Variants in GRB10 observed in about 807,000 individuals in gnomAD.
GRB10 encodes growth factor receptor bound protein 10.
GRB10 carries 20 observed loss-of-function variants against 80.9 expected under a neutral mutation model. The observed-to-expected ratio is 0.25, with a 90% CI of 0.17 to 0.36. The LOEUF (loss-of-function observed/expected upper bound fraction) is 0.36, where lower values mean the gene tolerates loss of function less well. Ranked by LOEUF, GRB10 falls within the 10% of genes least tolerant of loss-of-function variation. GRB10 has a pLI of 1.00. For missense variants in GRB10, 548 were observed against 747.7 expected, an observed-to-expected ratio of 0.73 and a Z score of 3.12; for synonymous variants, 291 against 291.5, an observed-to-expected ratio of 1.00 and a Z score of 0.02.
intron 7 of GRB10, among the ~76,000 whole-genome samples, chr7:50,628,053 G>A (rs2053292557): frequency 1.3e-5 from 2 of 152,202 alleles, no homozygotes; most frequent in African/African-American, 4.8e-5. Context: ...CCGGACTTGG[G>A]GGTGAGGACG....
intron 1 of GRB10, chr7:50,792,494 A>C (rs2078969433): frequency 5.0e-6 from 2 of 398,486 alleles, no homozygotes; most frequent in African/African-American, 2.1e-5. Flanking sequence ...AGGCGTTTGG[A>C]GAGGCAATCA....
chr7:50,714,656 C>CT (rs1224946875), intron 4 of GRB10, among the ~76,000 whole-genome samples: 18 of 102,572 alleles, frequency 1.8e-4, no homozygotes, highest in Non-Finnish European at 3.5e-4. Context: ...TAGCGAGACT[C>CT]TGTCTCAAAA....
At chr7:50,709,463 T>C (rs995474496) in intron 4 of GRB10, among the ~76,000 whole-genome samples, 3 of 152,170 alleles carry the variant, frequency 2.0e-5, no homozygotes, top group Admixed American at 1.3e-4. Context: ...TTTTGGGGAT[T>C]GCACAAATGC....
intron 7 of GRB10, among the ~76,000 whole-genome samples, chr7:50,629,157 T>C (rs971375946): frequency 2.6e-5 from 4 of 152,320 alleles, no homozygotes; most frequent in Non-Finnish European, 5.9e-5. Context: ...GGATACATGA[T>C]CTTCTCTAGG....
At chr7:50,609,035 T>C (rs981742066) in intron 13 of GRB10, among the ~76,000 whole-genome samples, 1 of 150,538 alleles carries the variant, frequency 6.6e-6, no homozygotes, top group Non-Finnish European at 1.5e-5. Flanking sequence ...CATGTACGTA[T>C]TGGGTTAACA....
chr7:50,662,541 TCA>T (rs1273369153), intron 7 of GRB10, among the ~76,000 whole-genome samples: 1 of 152,130 alleles, frequency 6.6e-6, no homozygotes, highest in Non-Finnish European at 1.5e-5. Flanking sequence ...AGTGCTGACC[TCA>T]GAGGTCTGGG....
At chr7:50,790,808 A>C (rs971109204) in intron 1 of GRB10, among the ~76,000 whole-genome samples, 1 of 152,262 alleles carries the variant, frequency 6.6e-6, no homozygotes, top group Non-Finnish European at 1.5e-5. Context: ...CTCTAAAATG[A>C]AGCTGAAGGC....
At chr7:50,689,451 C>A (rs1659572607) in intron 5 of GRB10, among the ~76,000 whole-genome samples, 1 of 152,100 alleles carries the variant, frequency 6.6e-6, no homozygotes, top group Non-Finnish European at 1.5e-5. Flanking sequence ...CAGGCTGAAT[C>A]CAAAGTTGAA....
At chr7:50,746,553 G>A (rs1467443947) in intron 3 of GRB10, among the ~76,000 whole-genome samples, 1 of 152,096 alleles carries the variant, frequency 6.6e-6, no homozygotes, top group African/African-American at 2.4e-5. Context: ...TCCTGTGAGG[G>A]CCTTTCCTCA....
rs567754518 is a variant in GRB10 at position 50,777,625 on chromosome 7, T to C, written c.-217+3002A>G. ...AAAGATACATGCACACCTATGTTTATTGCAGCACTACTTACAAAAGCAAAG... is the reference window on the plus strand; with the variant it reads ...AAAGATACATGCACACCTATGTTTACTGCAGCACTACTTACAAAAGCAAAG... On this transcript the variant is annotated intron_variant, in intron 2 of 18. Transcript: ENST00000401949. 5.5e-4 allele frequency among the ~76,000 whole-genome samples: 84 copies of C among 152,262 alleles called. 1 individual carries two copies. Among genetic ancestry groups the C allele is most frequent in the South Asian group, 1.9e-3 (9 of 4,820 alleles).
intron 5 of GRB10, among the ~76,000 whole-genome samples, chr7:50,692,415 G>C (rs1215915012): frequency 6.6e-6 from 1 of 152,090 alleles, no homozygotes; most frequent in African/African-American, 2.4e-5. Flanking sequence ...ACAATATGCT[G>C]TCTTCCTGCT....
chr7:50,735,206 A>T (rs557957754), intron 3 of GRB10, among the ~76,000 whole-genome samples: 19 of 152,258 alleles, frequency 1.2e-4, no homozygotes, highest in Non-Finnish European at 2.5e-4. Flanking sequence ...TTCCATTTAC[A>T]ATAGCATCAA....
At chr7:50,764,228 C>A (rs2076089517) in intron 2 of GRB10, among the ~76,000 whole-genome samples, 1 of 152,230 alleles carries the variant, frequency 6.6e-6, no homozygotes, top group Non-Finnish European at 1.5e-5. Context: ...AGGGATCAGG[C>A]CGCCTGACCC....
intron 7 of GRB10, among the ~76,000 whole-genome samples, chr7:50,646,724 G>T (rs946073931): frequency 6.6e-6 from 1 of 152,178 alleles, no homozygotes; most frequent in Non-Finnish European, 1.5e-5. Flanking sequence ...AAGTTTTCAC[G>T]TGAACTTCTC....
intron 17 of GRB10, among the ~76,000 whole-genome samples, chr7:50,603,075 G>A (rs572648203): frequency 8.5e-5 from 13 of 152,176 alleles, no homozygotes; most frequent in Non-Finnish European, 4.4e-5. Context: ...TTTGTAAAAC[G>A]AAGGACACAA....
chr7:50,685,290 A>T (rs1355893194), intron 5 of GRB10, among the ~76,000 whole-genome samples: 2 of 152,234 alleles, frequency 1.3e-5, no homozygotes, highest in Non-Finnish European at 2.9e-5. Context: ...CGATCTTTGG[A>T]AAAGGATTTA....
chr7:50,647,791 C>T (rs2057414311), intron 7 of GRB10, among the ~76,000 whole-genome samples: 1 of 152,188 alleles, frequency 6.6e-6, no homozygotes. Context: ...CTGGGTCCCA[C>T]AGCAGAGACC....
rs1017061497 is a variant in GRB10, at chr7:50,780,498, C to T, written c.-217+129G>A. 3 of 152,206 alleles carry T rather than the reference C, an allele frequency of 2.0e-5. No individual in the cohort carries two copies. In the East Asian group the frequency reaches 5.8e-4, roughly 29 times the overall value. The allele number at this position is 152,206 out of a possible 1,614,324, so 9.4% of individuals were successfully genotyped here. A position where few individuals can be genotyped will look rare whatever the true frequency, so the allele number is the denominator to read the frequency against. On this transcript the variant is annotated intron_variant, in intron 2 of 18. Transcript: ENST00000401949. Reference sequence around the variant, plus strand: ...GCCCCAGTAGTTACAAGGCCCAGAACACCACATCAGTTCTCAGACTTTATA... The same window carrying T: ...GCCCCAGTAGTTACAAGGCCCAGAATACCACATCAGTTCTCAGACTTTATA...
intron 4 of GRB10, chr7:50,705,413 C>A (rs1380991396): frequency 1.6e-5 from 7 of 449,552 alleles, no homozygotes; most frequent in Non-Finnish European, 2.1e-5. Flanking sequence ...AAAGAAATAG[C>A]TTTCTTTTCA....
Sources: allele counts gnomAD v4.1 joint callset (sites outside exome capture counted in the v4.1 genomes callset), GRCh38; gene constraint gnomAD v4.1.1; transcripts MANE v1.5; gene names NCBI Gene and HGNC (gene_info 2026-07-23, HGNC 2026-07-21).